Variants in KIF26B observed in about 807,000 individuals in gnomAD.
KIF26B encodes kinesin family member 26B, also known as kinesin-like protein KIF26B.
Under a neutral mutation model 151.2 loss-of-function variants are expected in KIF26B, and 63 were observed. That is an observed-to-expected ratio of 0.42 (90% confidence interval 0.34 to 0.51). KIF26B has a LOEUF of 0.51. Ranked by LOEUF, KIF26B falls within the 20% of genes least tolerant of loss-of-function variation. The pLI is 0.07. For missense variants in KIF26B, 2,813 were observed against 2,913.6 expected (o/e 0.97, Z 0.79); for synonymous variants, 1,357 against 1,262.1 (o/e 1.08, Z -1.59).
rs10526699 is a variant in KIF26B at position 245,586,158 on chromosome 1, A to AGTGTGTGTGTGT, written c.1351-16390_1351-16379dup. Among the ~76,000 whole-genome samples, 141 of 142,188 alleles carry AGTGTGTGTGTGT rather than the reference A, an allele frequency of 9.9e-4. 1 individual carries two copies. The highest frequency in any genetic ancestry group is 2.7e-3 in the African/African-American group (103 of 38,390). 93.3% of individuals were successfully genotyped at this position (142,188 alleles called of 152,430 possible). Reference sequence around the variant, plus strand: ...ACTATAGGCACACACCACCATGACCAGTGTGTGTGTGTGTGTGTGTGTGTG... The same window carrying AGTGTGTGTGTGT: ...ACTATAGGCACACACCACCATGACCAGTGTGTGTGTGTGTGTGTGTGTGTGTGTGTGTGTGTG... On this transcript the variant is annotated intron_variant, in intron 5 of 14. Coordinates refer to ENST00000407071, the MANE Select transcript of KIF26B (RefSeq NM_018012.4).
chr1:245,594,385 A>C (rs1051522532), intron 5 of KIF26B, among the ~76,000 whole-genome samples: 8 of 152,156 alleles, frequency 5.3e-5, no homozygotes, highest in Admixed American at 4.6e-4. Flanking sequence ...TTTTCTGCAT[A>C]TGGCTAGCCA....
chr1:245,318,943 CT>C lies in KIF26B; in HGVS notation c.466-47887del, dbSNP rs1408599511. On this transcript the variant is annotated intron_variant, in intron 2 of 14. Transcript: ENST00000407071. The surrounding 1 kb of genome is among the most constrained non-coding windows in gnomAD (Gnocchi z 4.0). The stretch of plus-strand genomic sequence containing the variant: ...TTACTCCTATTTAGGAAGAAGTAAA[CT>C]TTTGTAAACAGGAAGAACACAGGGA... Among the ~76,000 whole-genome samples the C allele has an allele frequency of 6.6e-6, 1 of 151,984 alleles. No homozygotes were observed. Among genetic ancestry groups the C allele is most frequent in the Non-Finnish European group, 1.5e-5 (1 of 68,008 alleles).
intron 10 of KIF26B, among the ~76,000 whole-genome samples, chr1:245,652,929 G>A (rs751415477): frequency 2.6e-5 from 4 of 152,182 alleles, no homozygotes; most frequent in South Asian, 4.1e-4. Context: ...ATTGGAAGGC[G>A]TCTTCCTTTC....
chr1:245,702,864 T>C lies in KIF26B; in HGVS notation c.*258T>C, dbSNP rs1453741216. 1 of 411,728 alleles carries C rather than the reference T, an allele frequency of 2.4e-6. No individual in the cohort carries two copies. The highest frequency in any genetic ancestry group is 4.3e-6 in the Non-Finnish European group (1 of 232,310). The allele number at this position is 411,728 out of a possible 1,614,324, so 25.5% of individuals were successfully genotyped here. ...AAGCCCTGTGAGACTGAAAAAGCAC[T>C]TTGAGGAACCTTAAAGACCTTGTTT... On this transcript the variant is annotated 3_prime_UTR_variant, in exon 15 of 15. Coordinates refer to ENST00000407071, the MANE Select transcript of KIF26B (RefSeq NM_018012.4). The surrounding 1 kb of genome is among the most constrained non-coding windows in gnomAD (Gnocchi z 4.1).
In KIF26B at chr1:245,581,715, T is replaced by G. The variant is rs79534008; in HGVS notation, c.1351-20862T>G. 2.9e-3 allele frequency among the ~76,000 whole-genome samples: 445 copies of G among 152,184 alleles called. 1 individual carries two copies. The highest frequency in any genetic ancestry group is 9.6e-3 in the African/African-American group (400 of 41,516). On this transcript the variant is annotated intron_variant, in intron 5 of 14. Transcript: ENST00000407071. ...CTTCACCACATGTAATTATTGAACTTTGTATATCACTTTACCTTTCTGGGT... is the reference window on the plus strand; with the variant it reads ...CTTCACCACATGTAATTATTGAACTGTGTATATCACTTTACCTTTCTGGGT...
In KIF26B at chr1:245,540,992, G is replaced by T; in HGVS notation, c.1350+42G>T. On this transcript the variant is annotated intron_variant, in intron 5 of 14. Coordinates refer to ENST00000407071, the MANE Select transcript of KIF26B (RefSeq NM_018012.4). The surrounding 1 kb of genome is among the most constrained non-coding windows in gnomAD (Gnocchi z 4.6). ...TCCCTGCCATTTGCCCAGTGTGCGA[G>T]GTTCTGGATCAAGTTTCAGGAGGAA... 6.5e-7 allele frequency: 1 copy of T among 1,531,768 alleles called. No homozygotes were observed. 94.9% of individuals were successfully genotyped at this position (1,531,768 alleles called of 1,614,324 possible).
rs372732934 is a variant in KIF26B at position 245,448,906 on chromosome 1, G to A, written c.1166+29161G>A. 1.1e-3 allele frequency among the ~76,000 whole-genome samples: 174 copies of A among 152,328 alleles called. 1 individual carries two copies. Among genetic ancestry groups the A allele is most frequent in the African/African-American group, 3.9e-3 (161 of 41,572 alleles). ...TATTGGGGTCTACTAGGCTTTGGCT[G>A]TCCTTGTGATTTTTAAAACCAGAAG... On this transcript the variant is annotated intron_variant, in intron 4 of 14. Coordinates refer to ENST00000407071, the MANE Select transcript of KIF26B (RefSeq NM_018012.4).
chr1:245,186,546 G>C (rs538471468), intron 2 of KIF26B, among the ~76,000 whole-genome samples: 1 of 152,160 alleles, frequency 6.6e-6, no homozygotes, highest in African/African-American at 2.4e-5. Flanking sequence ...AGCTTGAAAG[G>C]GGGTGTAGGA....
intron 4 of KIF26B, among the ~76,000 whole-genome samples, chr1:245,504,490 C>G (rs1454602260): frequency 6.6e-6 from 1 of 151,122 alleles, no homozygotes; most frequent in African/African-American, 2.4e-5. Flanking sequence ...TGAAGTGCCA[C>G]CCCTGTGATG....
intron 2 of KIF26B, among the ~76,000 whole-genome samples, chr1:245,353,167 GCT>G (rs1430736294): frequency 2.0e-5 from 3 of 152,146 alleles, no homozygotes; most frequent in African/African-American, 7.2e-5. Flanking sequence ...GTACAGCTGT[GCT>G]CTGTCAAACT....
chr1:245,509,478 A>G (rs1660788195), intron 4 of KIF26B, among the ~76,000 whole-genome samples: 1 of 152,140 alleles, frequency 6.6e-6, no homozygotes, highest in South Asian at 2.1e-4. Flanking sequence ...ATTCACCTTC[A>G]GTTTCGTTTC....
chr1:245,378,083 C>A (rs1028373982), intron 3 of KIF26B, among the ~76,000 whole-genome samples: 3 of 152,170 alleles, frequency 2.0e-5, no homozygotes, highest in Non-Finnish European at 4.4e-5. Context: ...TGGGCCACCA[C>A]CTGAGAGTAG....
rs371513777 is a variant in KIF26B, at chr1:245,447,262, A to G, written c.1166+27517A>G. The stretch of plus-strand genomic sequence containing the variant: ...TCACTTGAGACTGATGGTGCTAAGG[A>G]CTCATGGGTAATGGTCTAGTCTTAA... On this transcript the variant is annotated intron_variant, in intron 4 of 14. Coordinates refer to ENST00000407071, the MANE Select transcript of KIF26B (RefSeq NM_018012.4). 1.1e-3 allele frequency among the ~76,000 whole-genome samples: 161 copies of G among 152,244 alleles called. 1 individual carries two copies. Among genetic ancestry groups the G allele is most frequent in the African/African-American group, 3.6e-3 (148 of 41,554 alleles).
At chr1:245,518,416 A>G (rs938012063) in intron 4 of KIF26B, among the ~76,000 whole-genome samples, 4 of 152,216 alleles carry the variant, frequency 2.6e-5, no homozygotes, top group African/African-American at 9.7e-5. Flanking sequence ...TGGTATTAGT[A>G]TATCCATTTC....
chr1:245,643,987 G>A (rs1224294481), intron 9 of KIF26B, among the ~76,000 whole-genome samples: 15 of 151,998 alleles, frequency 9.9e-5, no homozygotes. Context: ...TTCTTCCTTT[G>A]TGCTTGGGGC....
chr1:245,616,734 C>A (rs977319728), intron 9 of KIF26B, among the ~76,000 whole-genome samples: 4 of 152,214 alleles, frequency 2.6e-5, no homozygotes, highest in Non-Finnish European at 5.9e-5. Flanking sequence ...GTTTGAGATT[C>A]TTGGAGTATT....
intron 9 of KIF26B, among the ~76,000 whole-genome samples, chr1:245,626,310 C>G (rs1025232193): frequency 6.6e-6 from 1 of 151,698 alleles, no homozygotes; most frequent in African/African-American, 2.4e-5. Context: ...AGCATCTATA[C>G]TGTTTTCTAT....
intron 4 of KIF26B, among the ~76,000 whole-genome samples, chr1:245,464,584 CGT>C (rs1313631350): frequency 6.4e-5 from 7 of 108,670 alleles, no homozygotes; most frequent in Non-Finnish European, 1.3e-4. Context: ...TGTGTGTGCA[CGT>C]GTGTGGGTGT....
intron 2 of KIF26B, among the ~76,000 whole-genome samples, chr1:245,236,870 G>A (rs2103558083): frequency 6.6e-6 from 1 of 152,330 alleles, no homozygotes; most frequent in Non-Finnish European, 1.5e-5. Flanking sequence ...TGCCTAATCA[G>A]TGTGTGTTGC....
Sources: allele counts gnomAD v4.1 joint callset (sites outside exome capture counted in the v4.1 genomes callset), GRCh38; gene constraint gnomAD v4.1.1; non-coding constraint Gnocchi (gnomAD v3.1); transcripts MANE v1.5; gene names NCBI Gene and HGNC (gene_info 2026-07-23, HGNC 2026-07-21).